The following PATJ variants were observed in gnomAD, a reference collection of about 807,000 sequenced individuals.
PATJ encodes PATJ crumbs cell polarity complex component, also known as inaD-like protein.
PATJ carries 190 observed loss-of-function variants against 224.9 expected under a neutral mutation model. That is an observed-to-expected ratio of 0.84 (90% CI 0.75 to 0.95). The LOEUF (loss-of-function observed/expected upper bound fraction) is 0.95, where lower values mean the gene tolerates loss of function less well. Ranked by LOEUF, PATJ falls within the 40% of genes least tolerant of loss-of-function variation. The probability of loss-of-function intolerance (pLI) is 0.00; values close to 1 mark genes in which losing one functional copy is unlikely to be tolerated. For missense variants in PATJ, 2,121 were observed against 2,270.3 expected, an observed-to-expected ratio of 0.93 and a Z score of 1.34; for synonymous variants, 769 against 820.3, an observed-to-expected ratio of 0.94 and a Z score of 1.07.
chr1:62,119,364 T>A (rs1237608776), intron 37 of PATJ, among the ~76,000 whole-genome samples: 2 of 152,150 alleles, frequency 1.3e-5, no homozygotes, highest in African/African-American at 2.4e-5. Flanking sequence ...ATTTAAAAAA[T>A]CAGGATCTTG....
intron 39 of PATJ, 59 bp downstream of exon 39, chr1:62,123,117 G>T: frequency 8.3e-7 from 1 of 1,203,542 alleles, no homozygotes; most frequent in Non-Finnish European, 1.2e-6. Flanking sequence ...TGCACTAAAT[G>T]TACATTTTCC....
intron 17 of PATJ, among the ~76,000 whole-genome samples, chr1:61,853,367 G>A (rs1663139129): frequency 6.6e-6 from 1 of 152,110 alleles, no homozygotes. Context: ...GGTGTTATCT[G>A]AAACTGCAGA....
chr1:62,153,976 T>C (rs1668897639), intron 43 of PATJ, among the ~76,000 whole-genome samples: 1 of 152,156 alleles, frequency 6.6e-6, no homozygotes, highest in African/African-American at 2.4e-5. Context: ...TGATCTCAGC[T>C]CACTGCAACC....
At chr1:61,856,271 G>T (rs1663647625) in intron 18 of PATJ, 32 bp downstream of exon 18, 1 of 1,531,254 alleles carries the variant, frequency 6.5e-7, no homozygotes. Flanking sequence ...TATAGGAAGT[G>T]ATAATAGTGC....
At chr1:61,858,778 A>G (rs1195173329) in intron 18 of PATJ, among the ~76,000 whole-genome samples, 1 of 152,214 alleles carries the variant, frequency 6.6e-6, no homozygotes, top group Non-Finnish European at 1.5e-5. Context: ...TGTACAGCAT[A>G]TGGTATTTTT....
intron 20 of PATJ, among the ~76,000 whole-genome samples, chr1:61,869,241 G>A (rs1388273127): frequency 6.7e-6 from 1 of 148,994 alleles, no homozygotes; most frequent in African/African-American, 2.5e-5. Flanking sequence ...CAAGTAGCTG[G>A]GACTACAGGC....
intron 28 of PATJ, among the ~76,000 whole-genome samples, chr1:62,000,647 A>G (rs367655020): frequency 4.6e-5 from 7 of 150,716 alleles, no homozygotes; most frequent in Admixed American, 4.0e-4. Flanking sequence ...GAATAGTGCC[A>G]CAATAAACAT....
chr1:62,016,534 A>C lies in PATJ; in HGVS notation c.3868-1322A>C, dbSNP rs749270517. Among the ~76,000 whole-genome samples, 27 of 152,244 alleles carry C rather than the reference A, an allele frequency of 1.8e-4. 1 individual carries two copies. Among genetic ancestry groups the C allele is most frequent in the Non-Finnish European group, 2.9e-4 (20 of 68,036 alleles). On this transcript the variant is annotated intron_variant, in intron 28 of 43. Transcript: ENST00000642238. ...AACTACTTTTTAAAGAGATAGAAGG[A>C]AAAAGTCAAAACTGTATGAGCTGTT...
intron 28 of PATJ, chr1:61,991,424 A>T (rs67439419): frequency 0.18 from 158,961 of 860,126 alleles, 15,464 homozygotes; most frequent in Non-Finnish European, 0.2. Context: ...ACTGAGTGTT[A>T]GACTGCTTAC....
In PATJ at chr1:61,847,392, C is replaced by G. The variant is rs76179154; in HGVS notation, c.2113-8638C>G. On this transcript the variant is annotated intron_variant, in intron 17 of 43. Coordinates refer to ENST00000642238, the MANE Select transcript of PATJ (RefSeq NM_001350145.3). ...TTTATTGCTTTCTGTGCTGTGCTTACTGTGCAGCTCTGGGACTGTTTAGTT... is the reference window on the plus strand; with the variant it reads ...TTTATTGCTTTCTGTGCTGTGCTTAGTGTGCAGCTCTGGGACTGTTTAGTT... 7.4e-3 allele frequency among the ~76,000 whole-genome samples: 1,124 copies of G among 152,280 alleles called. 13 individuals are homozygous for G. Among genetic ancestry groups the G allele is most frequent in the African/African-American group, 0.026 (1,066 of 41,554 alleles).
intron 6 of PATJ, among the ~76,000 whole-genome samples, chr1:61,774,542 C>T (rs1246223530): frequency 3.3e-5 from 5 of 152,336 alleles, no homozygotes; most frequent in South Asian, 2.1e-4. Context: ...GTCCTACCAC[C>T]ATTAGATTCT....
intron 21 of PATJ, among the ~76,000 whole-genome samples, chr1:61,882,779 G>A (rs1296793515): frequency 6.6e-6 from 1 of 152,104 alleles, no homozygotes. Context: ...TGCCCAAGCT[G>A]GTCTTGAATT....
rs1274099996 is a variant in PATJ at position 62,131,332 on chromosome 1, A to G, written c.5271+2387A>G. ...AGTACAGTGCAGCTCTTCAGTGCTG[A>G]GCCCAGGACCTTGAATTACAAAGAC... On this transcript the variant is annotated intron_variant, in intron 41 of 43. Transcript: ENST00000642238. Among the ~76,000 whole-genome samples the G allele has an allele frequency of 2.0e-5, 3 of 152,300 alleles. No individual in the cohort carries two copies. In the East Asian group the frequency reaches 5.8e-4, roughly 29 times the overall value.
At chr1:61,824,359 C>G (rs1167369549) in intron 15 of PATJ, among the ~76,000 whole-genome samples, 1 of 151,164 alleles carries the variant, frequency 6.6e-6, no homozygotes, top group African/African-American at 2.4e-5. Context: ...GCCACTGCAC[C>G]CGGTCCACTT....
Position 61,763,176 on chromosome 1 carries a change from T to C in PATJ, c.186T>C (p.Gly62=). 6.4e-7 allele frequency: 1 copy of C among 1,558,512 alleles called. No individual in the cohort carries two copies. Among genetic ancestry groups the C allele is most frequent in the Non-Finnish European group, 8.7e-7 (1 of 1,153,664 alleles). Residue 62 remains glycine, a synonymous_variant, in exon 3 of 44, where the codon GGT becomes GGC. Coordinates refer to ENST00000642238, the MANE Select transcript of PATJ (RefSeq NM_001350145.3). ...AGCAGTCCATCAAGCAACTGAAGGG[T>C]CAAGTAAGTTACCCATCAGAGTTTT... The part of the protein sequence containing the change: ...TLQQSIKQLK[G]QLNHIPSDCS...
intron 4 of PATJ, among the ~76,000 whole-genome samples, chr1:61,767,678 CTTT>C (rs1163770714): frequency 1.5e-5 from 2 of 134,962 alleles, no homozygotes; most frequent in Non-Finnish European, 1.6e-5. Context: ...CTTTTCTTTT[CTTT>C]TTTTTTTTTT....
At chr1:61,979,057 A>G (rs987752769) in intron 27 of PATJ, among the ~76,000 whole-genome samples, 6 of 152,076 alleles carry the variant, frequency 3.9e-5, no homozygotes, top group South Asian at 2.1e-4. Context: ...TTCAGATAAC[A>G]TTGTCCTGGG....
chr1:62,051,200 G>A (rs895107422), intron 31 of PATJ, 142 bp downstream of exon 31: 6 of 651,486 alleles, frequency 9.2e-6, no homozygotes, highest in African/African-American at 1.8e-5. Flanking sequence ...ATTATATGTA[G>A]TGAGTGACCC....
intron 26 of PATJ, among the ~76,000 whole-genome samples, chr1:61,916,670 C>G (rs1673492558): frequency 6.6e-6 from 1 of 152,190 alleles, no homozygotes. Context: ...GTCGATTTAT[C>G]AAGACAGGGG....
Sources: allele counts gnomAD v4.1 joint callset (sites outside exome capture counted in the v4.1 genomes callset), GRCh38; gene constraint gnomAD v4.1.1; transcripts MANE v1.5; gene names NCBI Gene and HGNC (gene_info 2026-07-23, HGNC 2026-07-21).